The following ZC3H4 variants were observed in gnomAD, a reference collection of about 807,000 sequenced individuals.
The protein encoded by ZC3H4 is zinc finger CCCH domain-containing protein 4.
A neutral mutation model predicts 108.3 loss-of-function variants in ZC3H4; 13 were observed. That is an observed-to-expected ratio of 0.12 (90% CI 0.08 to 0.19). The LOEUF (loss-of-function observed/expected upper bound fraction) is 0.19. Among genes scored for constraint, ZC3H4 ranks in the 10% least tolerant of loss-of-function variants. ZC3H4 has a pLI of 1.00. For missense variants in ZC3H4, 1,734 were observed against 1,838.8 expected, an observed-to-expected ratio of 0.94 and a Z score of 1.04; for synonymous variants, 917 against 749.6, an observed-to-expected ratio of 1.22 and a Z score of -3.65.
Position 47,067,453 on chromosome 19 carries a change from T to C in ZC3H4, c.2815A>G (p.Ile939Val), listed in dbSNP as rs1249210786. ...TGCCCGGGGAGTGGGTCCAGGGGAATGTTCACGGCCTTCTCCCGCAGGGCC... is the reference window on the plus strand; with the variant it reads ...TGCCCGGGGAGTGGGTCCAGGGGAACGTTCACGGCCTTCTCCCGCAGGGCC... ...ERALREKAVNIPLDPLPGHPL... is the reference protein window; with the variant it reads ...ERALREKAVNVPLDPLPGHPL... Residue 939 changes from isoleucine to valine, a missense_variant, in exon 15 of 15, where the codon ATT (isoleucine) becomes GTT (valine). Transcript: ENST00000253048. This position sits in a 1 kb window ranked among gnomAD's most constrained non-coding sequence, Gnocchi z 6.4. 1.3e-6 allele frequency: 2 copies of C among 1,591,550 alleles called. No homozygotes were observed. Among genetic ancestry groups the C allele is most frequent in the East Asian group, 2.2e-5 (1 of 44,652 alleles).
chr19:47,080,299 G>A (rs2057498279), intron 11 of ZC3H4, among the ~76,000 whole-genome samples: 1 of 152,194 alleles, frequency 6.6e-6, no homozygotes, highest in Non-Finnish European at 1.5e-5. Flanking sequence ...GAGGACAACT[G>A]ATGCCAGGAT....
At chr19:47,088,711 C>T (rs1254321738) in intron 5 of ZC3H4, among the ~76,000 whole-genome samples, 3 of 152,032 alleles carry the variant, frequency 2.0e-5, no homozygotes, top group African/African-American at 7.2e-5. Context: ...GGCTGGCCTC[C>T]AACTCCCGGG....
intron 11 of ZC3H4, among the ~76,000 whole-genome samples, chr19:47,073,485 T>A (rs2057364766): frequency 6.6e-6 from 1 of 152,072 alleles, no homozygotes; most frequent in Non-Finnish European, 1.5e-5. Flanking sequence ...GGCAGAAGAA[T>A]CGCTTGAACC....
At chr19:47,068,200 A>G (rs1443166889) in intron 14 of ZC3H4, among the ~76,000 whole-genome samples, 2 of 152,254 alleles carry the variant, frequency 1.3e-5, no homozygotes, top group Non-Finnish European at 2.9e-5. Flanking sequence ...GTGCCGTTAC[A>G]TTGGAGTCAG....
chr19:47,066,214 AAAAG>A lies in ZC3H4; in HGVS notation c.*138_*141del, dbSNP rs1195645623. On this transcript the variant is annotated 3_prime_UTR_variant, in exon 15 of 15. Transcript: ENST00000253048. ...AGAAAGTACTACTTTAAAAAAAAAT[AAAAG>A]AGACGGAAAGCAAAAGAAAAAGAAA... The A allele has an allele frequency of 1.6e-6, 1 of 629,664 alleles. No homozygotes were observed. Among genetic ancestry groups the A allele is most frequent in the African/African-American group, 1.9e-5 (1 of 51,670 alleles). The allele number at this position is 629,664 out of a possible 1,614,324, so 39.0% of individuals were successfully genotyped here.
chr19:47,066,770 G>A lies in ZC3H4; in HGVS notation c.3498C>T (p.Asp1166=), dbSNP rs1310961002. The A allele has an allele frequency of 3.7e-6, 6 of 1,602,518 alleles. No homozygotes were observed. Among genetic ancestry groups the A allele is most frequent in the African/African-American group, 1.3e-5 (1 of 75,012 alleles). ...CAGCACCCTTGGGCTGGGCACCCGTGTCAGCAGCCGGCTCTGTGGCTTTGC... is the reference window on the plus strand; with the variant it reads ...CAGCACCCTTGGGCTGGGCACCCGTATCAGCAGCCGGCTCTGTGGCTTTGC... The part of the protein sequence containing the change: ...AGGKATEPAA[D]TGAQPKGAEG... Residue 1166 remains aspartate, a synonymous_variant, in exon 15 of 15, where the codon GAC becomes GAT. Transcript: ENST00000253048.
At position 47,069,225 on chromosome 19, in the gene ZC3H4, G is replaced by A. The variant is rs1431541950; in HGVS notation, c.2265C>T (p.Gly755=). 28 of 1,613,094 alleles carry A rather than the reference G, an allele frequency of 1.7e-5. No homozygotes were observed. The highest frequency in any genetic ancestry group is 4.4e-5 in the South Asian group (4 of 91,074). ...EGGPPGRPKP[G]AGVPDFLPSA... ...AGGGCAGGAAGTCAGGGACACCGGCGCCTGGCTTCGGCCGGCCTGGGGGCC... is the reference window on the plus strand; with the variant it reads ...AGGGCAGGAAGTCAGGGACACCGGCACCTGGCTTCGGCCGGCCTGGGGGCC... The change falls in exon 14 of 15, where the codon GGC becomes GGT. Residue 755 remains glycine, a synonymous_variant. Transcript: ENST00000253048.
At chr19:47,088,727 G>A (rs2057677723) in intron 5 of ZC3H4, among the ~76,000 whole-genome samples, 1 of 151,970 alleles carries the variant, frequency 6.6e-6, no homozygotes, top group Non-Finnish European at 1.5e-5. Flanking sequence ...CCGGGCTCAA[G>A]TGATTCTCCT....
At chr19:47,112,328 C>T (rs1002345811) in intron 2 of ZC3H4, 96 bp downstream of exon 2, 225 of 1,186,210 alleles carry the variant, frequency 1.9e-4, no homozygotes, top group Middle Eastern at 3.2e-4. Context: ...TCCTCCTCCT[C>T]CTCCGCGGCC....
Position 47,072,721 on chromosome 19 carries a change from T to C in ZC3H4, c.1441-8A>G. 1.9e-6 allele frequency: 3 copies of C among 1,613,086 alleles called. No individual in the cohort carries two copies. The highest frequency in any genetic ancestry group is 1.1e-5 in the South Asian group (1 of 91,038). On this transcript the variant is annotated splice_polypyrimidine_tract_variant and splice_region_variant and intron_variant, in intron 11 of 14. Coordinates refer to ENST00000253048, the MANE Select transcript of ZC3H4 (RefSeq NM_015168.2). This position sits in a 1 kb window ranked among gnomAD's most constrained non-coding sequence, Gnocchi z 5.6. ...TGCATCATCGGCCAACATCTGCGGG[T>C]GTGAAAGAACAAAAGAAGGTGTGGA...
intron 9 of ZC3H4, among the ~76,000 whole-genome samples, 156 bp from the exon 10 acceptor site, chr19:47,082,451 C>T (rs2057541860): frequency 6.6e-6 from 1 of 152,150 alleles, no homozygotes; most frequent in African/African-American, 2.4e-5. Flanking sequence ...GTAGGAAGGG[C>T]AGGTCCCAAA....
intron 2 of ZC3H4, among the ~76,000 whole-genome samples, chr19:47,104,440 G>A (rs1324138084): frequency 6.6e-6 from 1 of 152,190 alleles, no homozygotes; most frequent in African/African-American, 2.4e-5. Flanking sequence ...ACATTTCCAA[G>A]GGCCCAGCAC....
Position 47,075,432 on chromosome 19 carries a change from C to A in ZC3H4, c.1441-2719G>T, listed in dbSNP as rs570333116. ...TGTGGGGCCATGGCTTGCGCTGCAG[C>A]TGCCACCCTGCATCTCCCTCCTCCT... On this transcript the variant is annotated intron_variant, in intron 11 of 14. Transcript: ENST00000253048. Among the ~76,000 whole-genome samples the A allele has an allele frequency of 8.5e-5, 13 of 152,246 alleles. No homozygotes were observed. In the South Asian group the frequency reaches 1.4e-3, roughly 17 times the overall value.
At chr19:47,093,024 G>A (rs1411853970) in intron 4 of ZC3H4, among the ~76,000 whole-genome samples, 1 of 151,764 alleles carries the variant, frequency 6.6e-6, no homozygotes, top group Non-Finnish European at 1.5e-5. Flanking sequence ...AGACCATCCT[G>A]GCTAAGACGG....
intron 2 of ZC3H4, among the ~76,000 whole-genome samples, chr19:47,103,179 C>A (rs1311084194): frequency 8.5e-5 from 13 of 152,230 alleles, no homozygotes; most frequent in Admixed American, 8.5e-4. Context: ...CTCATGCCAA[C>A]TAAGCTTCAG....
rs751729973 is a variant in ZC3H4, at chr19:47,066,650, A to G, written c.3618T>C (p.Ala1206=). The change falls in exon 15 of 15, where the codon GCT becomes GCC. Residue 1206 remains alanine, a synonymous_variant. Transcript: ENST00000253048. The part of the protein sequence containing the change: ...LEQPETGKAG[A]DGGTPTDRYN... ...ATCTGTCCGTGGGGGTGCCCCCATC[A>G]GCACCGGCCTTCCCTGTCTCTGGCT... The G allele has an allele frequency of 1.2e-6, 2 of 1,611,966 alleles. No individual in the cohort carries two copies. The highest frequency in any genetic ancestry group is 1.7e-6 in the Non-Finnish European group (2 of 1,179,654).
At chr19:47,077,405 T>C (rs1438865462) in intron 11 of ZC3H4, among the ~76,000 whole-genome samples, 1 of 150,270 alleles carries the variant, frequency 6.7e-6, no homozygotes, top group African/African-American at 2.5e-5. Flanking sequence ...GAGGCGGAGG[T>C]TGCAGTGAGC....
chr19:47,097,578 G>A (rs1001977177), intron 2 of ZC3H4, among the ~76,000 whole-genome samples: 3 of 152,134 alleles, frequency 2.0e-5, no homozygotes, highest in Non-Finnish European at 2.9e-5. Flanking sequence ...AAAGGAAGTC[G>A]AGCCAAATGG....
chr19:47,112,415 G>A lies in ZC3H4; in HGVS notation c.161+9C>T, dbSNP rs1183406988. The A allele has an allele frequency of 3.2e-6, 4 of 1,234,314 alleles. No homozygotes were observed. The highest frequency in any genetic ancestry group is 1.6e-5 in the African/African-American group (1 of 64,336). 76.5% of individuals were successfully genotyped at this position (1,234,314 alleles called of 1,614,324 possible). A position where few individuals can be genotyped will look rare whatever the true frequency, so the allele number is the denominator to read the frequency against. ...GGGGACGCAGCCCCGGCCCAACCGG[G>A]GGCCTGACCTGTCGTCAGGGAGCGG... On this transcript the variant is annotated intron_variant, in intron 2 of 14. Transcript: ENST00000253048.
Sources: gnomAD v4.1 joint callset for allele counts (sites outside exome capture counted in the v4.1 genomes callset) on GRCh38, gnomAD v4.1.1 for gene constraint, Gnocchi (gnomAD v3.1) non-coding constraint, MANE v1.5 for transcripts, NCBI Gene and HGNC (gene_info 2026-07-23, HGNC 2026-07-21) for gene names.